Variants in RALGAPA2 observed in about 807,000 individuals in gnomAD.
RALGAPA2 encodes Ral GTPase activating protein catalytic subunit alpha 2.
A neutral mutation model predicts 230.4 loss-of-function variants in RALGAPA2; 139 were observed. That is an observed-to-expected ratio of 0.60 (90% confidence interval 0.53 to 0.69). The LOEUF (loss-of-function observed/expected upper bound fraction) is 0.69, where lower values mean the gene tolerates loss of function less well. Ranked by LOEUF, RALGAPA2 falls within the 30% of genes least tolerant of loss-of-function variation. RALGAPA2 has a pLI of 0.00. For missense variants in RALGAPA2, 2,163 were observed against 2,276.0 expected (o/e 0.95, Z 1.01); for synonymous variants, 847 against 837.8 (o/e 1.01, Z -0.19).
chr20:20,531,163 G>C (rs530340611), intron 27 of RALGAPA2, among the ~76,000 whole-genome samples: 1 of 152,360 alleles, frequency 6.6e-6, no homozygotes, highest in South Asian at 2.1e-4. Flanking sequence ...CTATCTTGCA[G>C]AGCTGTCTTG....
intron 38 of RALGAPA2, among the ~76,000 whole-genome samples, chr20:20,407,168 G>A (rs911536821): frequency 1.3e-5 from 2 of 152,120 alleles, no homozygotes; most frequent in Non-Finnish European, 2.9e-5. Context: ...GATCTTTCCT[G>A]AAGTCCCTTC....
chr20:20,563,823 A>G (rs1480797486), intron 23 of RALGAPA2, among the ~76,000 whole-genome samples: 16 of 152,064 alleles, frequency 1.1e-4, no homozygotes, highest in Admixed American at 1.0e-3. Flanking sequence ...TCACACACAG[A>G]CAAACACACA....
chr20:20,428,640 G>A lies in RALGAPA2; in HGVS notation c.5496-16492C>T, dbSNP rs535319677. On this transcript the variant is annotated intron_variant, in intron 37 of 39. Transcript: ENST00000202677. ...GAGGCTGGACATGATCCCAAATGTG[G>A]TGGCCCATCCACATCAGAGAGCCCA... Among the ~76,000 whole-genome samples the A allele has an allele frequency of 1.1e-3, 165 of 152,166 alleles. 3 individuals carry two copies. The highest frequency in any genetic ancestry group is 3.4e-3 in the Middle Eastern group (1 of 294).
chr20:20,711,840 T>A (rs1363022472), intron 1 of RALGAPA2, among the ~76,000 whole-genome samples: 1 of 152,080 alleles, frequency 6.6e-6, no homozygotes, highest in African/African-American at 2.4e-5. Context: ...ATGACAAATC[T>A]GTGCTGGGAT....
intron 36 of RALGAPA2, among the ~76,000 whole-genome samples, chr20:20,481,073 C>T (rs1215235849): frequency 6.6e-6 from 1 of 152,122 alleles, no homozygotes; most frequent in Non-Finnish European, 1.5e-5. Context: ...GGTTTGGGTC[C>T]AGATGAAGAC....
intron 38 of RALGAPA2, among the ~76,000 whole-genome samples, chr20:20,397,763 G>T (rs1325343219): frequency 1.3e-5 from 2 of 152,268 alleles, no homozygotes; most frequent in African/African-American, 2.4e-5. Flanking sequence ...TTTAGCCAAG[G>T]CTCCATGAAA....
At chr20:20,562,352 A>G (rs2064282349) in intron 23 of RALGAPA2, among the ~76,000 whole-genome samples, 1 of 152,180 alleles carries the variant, frequency 6.6e-6, no homozygotes, top group African/African-American at 2.4e-5. Flanking sequence ...CCTCAGAGCA[A>G]AAGAACATGT....
At chr20:20,485,109 T>G (rs2061877394) in intron 36 of RALGAPA2, among the ~76,000 whole-genome samples, 1 of 152,130 alleles carries the variant, frequency 6.6e-6, no homozygotes, top group Non-Finnish European at 1.5e-5. Context: ...GTGTATTTTA[T>G]GTGTGGCCCA....
At chr20:20,617,917 A>ATG (rs1330462155) in intron 12 of RALGAPA2, among the ~76,000 whole-genome samples, 1 of 152,208 alleles carries the variant, frequency 6.6e-6, no homozygotes, top group Non-Finnish European at 1.5e-5. Context: ...AGCACTATAT[A>ATG]TAATAAAATA....
At chr20:20,534,592 T>G (rs2063452658) in intron 26 of RALGAPA2, among the ~76,000 whole-genome samples, 1 of 151,786 alleles carries the variant, frequency 6.6e-6, no homozygotes, top group Non-Finnish European at 1.5e-5. Flanking sequence ...ACCTTAATAG[T>G]CCTAAAATCA....
chr20:20,396,985 C>T (rs1455152815), intron 38 of RALGAPA2, among the ~76,000 whole-genome samples: 3 of 152,184 alleles, frequency 2.0e-5, no homozygotes, highest in Non-Finnish European at 2.9e-5. Flanking sequence ...CGCATGCAGA[C>T]CTTGTCAGGA....
At chr20:20,502,049 G>GATA (rs766139409) in intron 35 of RALGAPA2, among the ~76,000 whole-genome samples, 1 of 152,096 alleles carries the variant, frequency 6.6e-6, no homozygotes, top group Non-Finnish European at 1.5e-5. Context: ...ATGAGATAAT[G>GATA]ATAATAATAA....
intron 19 of RALGAPA2, 149 bp from the exon 20 acceptor site, chr20:20,583,375 G>A: frequency 1.2e-6 from 1 of 858,736 alleles, no homozygotes; most frequent in East Asian, 2.7e-5. Context: ...CTTGAGAGGA[G>A]CTCAAAAAGT....
intron 3 of RALGAPA2, among the ~76,000 whole-genome samples, chr20:20,665,845 G>A (rs1302740618): frequency 6.6e-6 from 1 of 152,144 alleles, no homozygotes; most frequent in African/African-American, 2.4e-5. Context: ...TCCAGTACAG[G>A]CGATAGCACC....
At chr20:20,477,177 T>C (rs1353335404) in intron 36 of RALGAPA2, among the ~76,000 whole-genome samples, 6 of 152,234 alleles carry the variant, frequency 3.9e-5, no homozygotes, top group Non-Finnish European at 8.8e-5. Flanking sequence ...TCCATCATGT[T>C]GTATACTTAC....
chr20:20,599,617 T>C (rs1461405573), intron 16 of RALGAPA2, among the ~76,000 whole-genome samples: 1 of 152,192 alleles, frequency 6.6e-6, no homozygotes, highest in African/African-American at 2.4e-5. Context: ...GAACTACAAA[T>C]GATAGTAACA....
In RALGAPA2 at chr20:20,575,797, G is replaced by A. The variant is rs937305533; in HGVS notation, c.2708-2729C>T. Reference sequence around the variant, plus strand: ...AGGTCTGCCAATTAATTTACCACAGGCCACCTGTTCTGCAACTTCAAGAAG... The same window carrying A: ...AGGTCTGCCAATTAATTTACCACAGACCACCTGTTCTGCAACTTCAAGAAG... On this transcript the variant is annotated intron_variant, in intron 20 of 39. Transcript: ENST00000202677. Among the ~76,000 whole-genome samples the A allele has an allele frequency of 3.3e-5, 5 of 152,020 alleles. No individual in the cohort carries two copies. In the East Asian group the frequency reaches 9.6e-4, roughly 29 times the overall value.
intron 23 of RALGAPA2, among the ~76,000 whole-genome samples, chr20:20,561,568 G>C (rs2064258618): frequency 6.6e-6 from 1 of 152,128 alleles, no homozygotes; most frequent in African/African-American, 2.4e-5. Flanking sequence ...TTTTTAGACA[G>C]AGAATTTAGT....
At chr20:20,642,136 G>A (rs1396624480) in intron 5 of RALGAPA2, among the ~76,000 whole-genome samples, 3 of 39,832 alleles carry the variant, frequency 7.5e-5, no homozygotes, top group Non-Finnish European at 1.5e-4. Flanking sequence ...GGGGAGGGGA[G>A]GGGAGAGAAG....
Sources: gnomAD v4.1 joint callset for allele counts (sites outside exome capture counted in the v4.1 genomes callset) on GRCh38, gnomAD v4.1.1 for gene constraint, MANE v1.5 for transcripts, NCBI Gene and HGNC (gene_info 2026-07-23, HGNC 2026-07-21) for gene names.